EDIL3: variants seen among roughly 807,000 people sequenced by gnomAD.
The protein encoded by EDIL3 is EGF-like repeat and discoidin I-like domain-containing protein 3.
EDIL3 carries 37 observed loss-of-function variants against 67.4 expected under a neutral mutation model. That is an observed-to-expected ratio of 0.55 (90% CI 0.42 to 0.72). The LOEUF (loss-of-function observed/expected upper bound fraction) is 0.72, where lower values mean the gene tolerates loss of function less well. EDIL3 is among the 30% of genes least tolerant of loss of function. The pLI is 0.00. For synonymous variants in EDIL3, 195 were observed against 196.3 expected, an observed-to-expected ratio of 0.99 and a Z score of 0.05; for missense variants, 527 against 586.3, an observed-to-expected ratio of 0.90 and a Z score of 1.04.
chr5:84,020,038 T>C (rs1745682609), intron 9 of EDIL3, among the ~76,000 whole-genome samples: 1 of 130,262 alleles, frequency 7.7e-6, no homozygotes, highest in Non-Finnish European at 1.6e-5. Flanking sequence ...AGATTAATAA[T>C]GAATATCAGT....
chr5:84,312,082 C>T (rs1330777603), intron 1 of EDIL3, among the ~76,000 whole-genome samples: 2 of 152,158 alleles, frequency 1.3e-5, no homozygotes, highest in Non-Finnish European at 2.9e-5. Flanking sequence ...GGGTACACCT[C>T]CCAGACGGGG....
At chr5:84,181,296 T>C (rs1020506019) in intron 3 of EDIL3, 1 of 152,232 alleles carries the variant, frequency 6.6e-6, no homozygotes, top group African/African-American at 2.4e-5. Context: ...TGTGGTTAGC[T>C]GACAACATTC....
rs563710034 is a variant in EDIL3, at chr5:84,033,665, T to C, written c.1137+26635A>G. Among the ~76,000 whole-genome samples, 10 of 146,252 alleles carry C rather than the reference T, an allele frequency of 6.8e-5. No homozygotes were observed. The East Asian group carries it at 2.0e-3, about 29-fold the overall frequency. The stretch of plus-strand genomic sequence containing the variant: ...GTTGCAGTGAGCCAAGATCCTGCCA[T>C]TGTACTCCAACCTGGGCGACAGAGC... On this transcript the variant is annotated intron_variant, in intron 9 of 10. Coordinates refer to ENST00000296591, the MANE Select transcript of EDIL3 (RefSeq NM_005711.5).
At chr5:84,056,333 A>AG (rs35702143) in intron 9 of EDIL3, among the ~76,000 whole-genome samples, 17,539 of 151,022 alleles carry the variant, frequency 0.12, 1,584 homozygotes, top group African/African-American at 0.25. Flanking sequence ...GGGTGGGGTG[A>AG]GGGGGGAGGT....
At chr5:84,135,167 G>A (rs945370474) in intron 5 of EDIL3, among the ~76,000 whole-genome samples, 8 of 152,026 alleles carry the variant, frequency 5.3e-5, no homozygotes, top group African/African-American at 1.9e-4. Context: ...ACACCCTCAT[G>A]TGCCACTTCT....
chr5:84,093,802 G>A (rs1420276642), intron 6 of EDIL3, among the ~76,000 whole-genome samples: 1 of 151,798 alleles, frequency 6.6e-6, no homozygotes, highest in Admixed American at 6.6e-5. Flanking sequence ...TGGGACTAGA[G>A]GTGTCTGCCA....
intron 1 of EDIL3, among the ~76,000 whole-genome samples, chr5:84,287,025 C>T (rs1745819515): frequency 6.6e-6 from 1 of 152,238 alleles, no homozygotes; most frequent in Middle Eastern, 3.4e-3. Flanking sequence ...CAATCCTCTA[C>T]CTGAAATGCT....
At chr5:84,379,959 T>C (rs1197082400) in intron 1 of EDIL3, among the ~76,000 whole-genome samples, 1 of 152,066 alleles carries the variant, frequency 6.6e-6, no homozygotes, top group East Asian at 1.9e-4. Flanking sequence ...GCACAGTTGA[T>C]TCTAGTCTAC....
chr5:84,284,744 T>C (rs17284936), intron 1 of EDIL3, among the ~76,000 whole-genome samples: 13,507 of 152,174 alleles, frequency 0.089, 685 homozygotes, highest in Middle Eastern at 0.17. Context: ...ACAAAAGATC[T>C]GAGGAATTCA....
intron 2 of EDIL3, among the ~76,000 whole-genome samples, chr5:84,236,472 A>G (rs1440155077): frequency 6.6e-6 from 1 of 152,070 alleles, no homozygotes; most frequent in Non-Finnish European, 1.5e-5. Context: ...CTCCCTATCC[A>G]AACCCAAACC....
At chr5:84,180,256 G>C in intron 4 of EDIL3, 137 bp downstream of exon 4, 1 of 916,072 alleles carries the variant, frequency 1.1e-6, no homozygotes, top group South Asian at 2.3e-5. Context: ...TATTCCATGG[G>C]AGAGAAGCAG....
intron 2 of EDIL3, among the ~76,000 whole-genome samples, chr5:84,233,960 C>A (rs1744631411): frequency 6.6e-6 from 1 of 152,160 alleles, no homozygotes; most frequent in Non-Finnish European, 1.5e-5. Context: ...TGAATCATAT[C>A]AACCATGAAT....
At chr5:84,246,473 A>G (rs535877679) in intron 2 of EDIL3, among the ~76,000 whole-genome samples, 2 of 152,360 alleles carry the variant, frequency 1.3e-5, no homozygotes, top group East Asian at 1.9e-4. Context: ...CTGAGATAAT[A>G]TGATTATTTT....
intron 1 of EDIL3, among the ~76,000 whole-genome samples, chr5:84,306,984 AT>A (rs1746286050): frequency 6.6e-6 from 1 of 152,232 alleles, no homozygotes; most frequent in South Asian, 2.1e-4. Flanking sequence ...TTATTCATTT[AT>A]TATTCCAGTA....
intron 6 of EDIL3, among the ~76,000 whole-genome samples, chr5:84,088,670 T>G (rs575756258): frequency 6.6e-6 from 1 of 152,222 alleles, no homozygotes; most frequent in East Asian, 1.9e-4. Flanking sequence ...TCAAAGTGAT[T>G]GAAGCATTAA....
chr5:84,280,764 G>A (rs1464988555), intron 1 of EDIL3, among the ~76,000 whole-genome samples: 1 of 151,824 alleles, frequency 6.6e-6, no homozygotes, highest in Non-Finnish European at 1.5e-5. Flanking sequence ...GCAACATGGT[G>A]AGACTCTATC....
At chr5:84,245,064 T>C (rs1744879343) in intron 2 of EDIL3, among the ~76,000 whole-genome samples, 1 of 152,180 alleles carries the variant, frequency 6.6e-6, no homozygotes, top group South Asian at 2.1e-4. Flanking sequence ...TTAAGCTTTC[T>C]TTGATTAAAT....
intron 3 of EDIL3, among the ~76,000 whole-genome samples, chr5:84,207,982 C>T (rs1353683124): frequency 6.6e-6 from 1 of 152,020 alleles, no homozygotes; most frequent in African/African-American, 2.4e-5. Flanking sequence ...AGGACATAGG[C>T]ATGGGCAAGG....
intron 9 of EDIL3, among the ~76,000 whole-genome samples, chr5:83,997,307 G>T (rs1745253144): frequency 6.6e-6 from 1 of 152,144 alleles, no homozygotes; most frequent in Admixed American, 6.5e-5. Flanking sequence ...TTAAAGAAAT[G>T]AAAATGATGA....
Sources: allele counts gnomAD v4.1 joint callset (sites outside exome capture counted in the v4.1 genomes callset), GRCh38; gene constraint gnomAD v4.1.1; transcripts MANE v1.5; gene names NCBI Gene and HGNC (gene_info 2026-07-23, HGNC 2026-07-21).